GALNT13: variants seen among roughly 807,000 people sequenced by gnomAD.
The protein encoded by GALNT13 is UDP-GalNAc:polypeptide N-acetylgalactosaminyltransferase 13.
Under a neutral mutation model 64.2 loss-of-function variants are expected in GALNT13, and 28 were observed. The ratio of observed to expected loss-of-function variants is 0.44; its 90% confidence interval spans 0.32 to 0.60. The LOEUF (loss-of-function observed/expected upper bound fraction) is 0.60, where lower values mean the gene tolerates loss of function less well. Among genes scored for constraint, GALNT13 ranks in the 20% least tolerant of loss-of-function variants. The probability of loss-of-function intolerance (pLI) is 0.05; values close to 1 mark genes in which losing one functional copy is unlikely to be tolerated. For synonymous variants in GALNT13, 214 were observed against 224.6 expected, an observed-to-expected ratio of 0.95 and a Z score of 0.42; for missense variants, 577 against 669.8, an observed-to-expected ratio of 0.86 and a Z score of 1.53.
At chr2:154,380,110 T>C (rs947337324) in intron 9 of GALNT13, among the ~76,000 whole-genome samples, 1 of 152,082 alleles carries the variant, frequency 6.6e-6, no homozygotes, top group African/African-American at 2.4e-5. Context: ...AAAAGGTATT[T>C]ATCAGGTTTT....
the GALNT13 span, among the ~76,000 whole-genome samples, chr2:153,267,668 T>C: frequency 6.6e-6 from 1 of 152,194 alleles, no homozygotes; most frequent in South Asian, 2.1e-4. Flanking sequence ...TCTGGACTTG[T>C]GATGGGAGAG....
At chr2:153,884,303 T>C (rs923547975) in intron 1 of GALNT13, among the ~76,000 whole-genome samples, 3 of 151,932 alleles carry the variant, frequency 2.0e-5, no homozygotes, top group Non-Finnish European at 2.9e-5. Flanking sequence ...TATGCTTCGA[T>C]GAGTGTGTAC....
At chr2:154,248,686 A>G (rs772881615) in intron 7 of GALNT13, among the ~76,000 whole-genome samples, 110 of 152,260 alleles carry the variant, frequency 7.2e-4, no homozygotes, top group Non-Finnish European at 1.3e-3. Flanking sequence ...TCTTGCTACA[A>G]TGGACCAGGA....
chr2:154,180,682 T>C (rs1373944228), intron 4 of GALNT13, among the ~76,000 whole-genome samples: 2 of 152,162 alleles, frequency 1.3e-5, no homozygotes, highest in Non-Finnish European at 2.9e-5. Flanking sequence ...TAAATTAAAG[T>C]CCCTATAGGG....
At chr2:153,569,776 A>C in the GALNT13 span, among the ~76,000 whole-genome samples, 1 of 152,124 alleles carries the variant, frequency 6.6e-6, no homozygotes, top group East Asian at 1.9e-4. Flanking sequence ...ATCAAATAGT[A>C]GGTCTTATTC....
At chr2:153,702,118 G>A in the GALNT13 span, among the ~76,000 whole-genome samples, 1 of 152,050 alleles carries the variant, frequency 6.6e-6, no homozygotes, top group Non-Finnish European at 1.5e-5. Context: ...AAGAAAATAT[G>A]GTACATATAC....
chr2:153,245,262 T>C, the GALNT13 span, among the ~76,000 whole-genome samples: 2 of 152,206 alleles, frequency 1.3e-5, no homozygotes, highest in Non-Finnish European at 2.9e-5. Flanking sequence ...CAAGGAGGAT[T>C]CTCGCAGCAC....
chr2:154,054,648 CCTT>C (rs963793655), intron 3 of GALNT13, among the ~76,000 whole-genome samples: 1 of 151,938 alleles, frequency 6.6e-6, no homozygotes, highest in East Asian at 1.9e-4. Context: ...AATTGAATAT[CCTT>C]CTTTTTTAAT....
chr2:154,060,347 A>T (rs985117853), intron 3 of GALNT13, among the ~76,000 whole-genome samples: 3 of 151,982 alleles, frequency 2.0e-5, no homozygotes, highest in African/African-American at 7.2e-5. Context: ...TTATATCTTT[A>T]TTTTTTATAT....
the GALNT13 span, among the ~76,000 whole-genome samples, chr2:153,264,214 A>T: frequency 6.6e-6 from 1 of 152,198 alleles, no homozygotes; most frequent in Non-Finnish European, 1.5e-5. Context: ...TGTTAGAGAA[A>T]TGTAGATCAA....
the GALNT13 span, among the ~76,000 whole-genome samples, chr2:153,825,458 A>G: frequency 6.6e-6 from 1 of 152,182 alleles, no homozygotes; most frequent in South Asian, 2.1e-4. Flanking sequence ...CTATCTTAGA[A>G]TTAAGTAAGT....
the GALNT13 span, among the ~76,000 whole-genome samples, chr2:153,358,082 G>T: frequency 6.6e-6 from 1 of 152,206 alleles, no homozygotes; most frequent in Admixed American, 6.5e-5. Context: ...TTGCAGTTCT[G>T]CAGGCTACTT....
intron 3 of GALNT13, among the ~76,000 whole-genome samples, chr2:154,016,658 C>T (rs13425737): frequency 0.061 from 9,327 of 152,114 alleles, 593 homozygotes; most frequent in African/African-American, 0.16. Flanking sequence ...CCTCATGATC[C>T]GCCTGCCTCA....
At chr2:154,255,121 C>T (rs1690300048) in intron 7 of GALNT13, among the ~76,000 whole-genome samples, 1 of 152,024 alleles carries the variant, frequency 6.6e-6, no homozygotes, top group Admixed American at 6.6e-5. Context: ...GAAGGGAAAC[C>T]TCTACAGAAC....
intron 4 of GALNT13, among the ~76,000 whole-genome samples, chr2:154,226,060 C>T (rs887413039): frequency 1.6e-4 from 24 of 151,876 alleles, no homozygotes; most frequent in Non-Finnish European, 1.2e-4. Flanking sequence ...TTTGGGGAAA[C>T]GGGGTTCTGT....
At chr2:153,803,650 C>T in the GALNT13 span, among the ~76,000 whole-genome samples, 1 of 143,508 alleles carries the variant, frequency 7.0e-6, no homozygotes, top group Admixed American at 7.2e-5. Flanking sequence ...GGAGATAGCG[C>T]CACTGCACTC....
the GALNT13 span, among the ~76,000 whole-genome samples, chr2:153,608,246 G>A: frequency 2.0e-5 from 3 of 152,052 alleles, no homozygotes; most frequent in East Asian, 1.9e-4. Context: ...TATCTGATAC[G>A]ATAACGTATT....
At position 154,313,784 on chromosome 2, in the gene GALNT13, A is replaced by G. The variant is rs554518336; in HGVS notation, c.1156+12195A>G. On this transcript the variant is annotated intron_variant, in intron 9 of 12. Transcript: ENST00000392825. ...TATGTTGATTCACAGAATAAGTACTACCTTCTAGGGTTCAGATACCATGAT... is the reference window on the plus strand; with the variant it reads ...TATGTTGATTCACAGAATAAGTACTGCCTTCTAGGGTTCAGATACCATGAT... Among the ~76,000 whole-genome samples the G allele has an allele frequency of 1.8e-3, 278 of 152,108 alleles. 1 individual carries two copies. Among genetic ancestry groups the G allele is most frequent in the South Asian group, 7.1e-3 (34 of 4,822 alleles).
the GALNT13 span, among the ~76,000 whole-genome samples, chr2:153,336,721 A>G: frequency 6.6e-6 from 1 of 152,092 alleles, no homozygotes; most frequent in Admixed American, 6.5e-5. Context: ...ACTTTGGGGG[A>G]CCATTGGGAA....
Sources: gnomAD v4.1 joint callset for allele counts (sites outside exome capture counted in the v4.1 genomes callset) on GRCh38, gnomAD v4.1.1 for gene constraint, MANE v1.5 for transcripts, NCBI Gene and HGNC (gene_info 2026-07-23, HGNC 2026-07-21) for gene names.